The following VWA5B1 variants were observed in gnomAD, a reference collection of about 807,000 sequenced individuals.
VWA5B1 encodes the protein von Willebrand factor A domain-containing protein 5B1.
In VWA5B1, 115 loss-of-function variants were observed where a neutral mutation model predicts 118.2. That is an observed-to-expected ratio of 0.97 (90% confidence interval 0.84 to 1.14). The LOEUF (loss-of-function observed/expected upper bound fraction) is 1.14. Among genes scored for constraint, VWA5B1 ranks in the 50% most tolerant of loss-of-function variants. The pLI is 0.00. For synonymous variants in VWA5B1, 682 were observed against 658.4 expected, an observed-to-expected ratio of 1.04 and a Z score of -0.55; for missense variants, 1,596 against 1,603.8, an observed-to-expected ratio of 1.00 and a Z score of 0.08.
At chr1:20,336,902 C>T (rs1001915742) in intron 13 of VWA5B1, among the ~76,000 whole-genome samples, 5 of 152,074 alleles carry the variant, frequency 3.3e-5, no homozygotes, top group African/African-American at 1.2e-4. Context: ...GTGCCAGGGA[C>T]CCCTAGAAAA....
Position 20,347,803 on chromosome 1 carries a change from T to G in VWA5B1, c.2765-442T>G, listed in dbSNP as rs2090039332. ...TCATCTCTTTTCCATCCAACCCCTCTTGGTGATGCCCTGGGATTTCAGGGG... is the reference window on the plus strand; with the variant it reads ...TCATCTCTTTTCCATCCAACCCCTCGTGGTGATGCCCTGGGATTTCAGGGG... On this transcript the variant is annotated intron_variant, in intron 17 of 21. Transcript: ENST00000289815. 2.0e-5 allele frequency among the ~76,000 whole-genome samples: 3 copies of G among 151,946 alleles called. No homozygotes were observed. In the South Asian group the frequency reaches 6.3e-4, roughly 32 times the overall value.
intron 21 of VWA5B1, among the ~76,000 whole-genome samples, chr1:20,352,465 G>A (rs2090149331): frequency 6.6e-6 from 1 of 152,088 alleles, no homozygotes; most frequent in African/African-American, 2.4e-5. Flanking sequence ...AAAATTCGTG[G>A]GAATTTTGCA....
Position 20,317,589 on chromosome 1 carries a change from C to A in VWA5B1, c.623C>A (p.Ala208Glu). The change falls in exon 5 of 22, where the codon GCG becomes GAG. Residue 208 changes from alanine (A) to glutamate (E), a missense_variant. Transcript: ENST00000289815. ...APGSWNKLCL[A>E]TLLNTEVSNP... ...GGCTCCTGGAATAAGTTGTGCCTGG[C>A]GACTCTCCTGAACACCGAAGTGTCC... 1.3e-6 allele frequency: 2 copies of A among 1,551,780 alleles called. No homozygotes were observed. Among genetic ancestry groups the A allele is most frequent in the East Asian group, 2.4e-5 (1 of 40,910 alleles).
chr1:20,350,263 A>C (rs1218051994), intron 19 of VWA5B1, 33 bp downstream of exon 19: 1 of 1,549,700 alleles, frequency 6.5e-7, no homozygotes, highest in East Asian at 2.4e-5. Flanking sequence ...CTCTTCATCA[A>C]GATGGTGACA....
chr1:20,318,827 G>C (rs568769915), intron 6 of VWA5B1, 106 bp downstream of exon 6: 1 of 1,402,610 alleles, frequency 7.1e-7, no homozygotes, highest in Non-Finnish European at 9.3e-7. Context: ...AGCTAGCCAG[G>C]GAAAGAGTCG....
In VWA5B1 at chr1:20,358,098, G is replaced by C. The variant is rs2090260958; in HGVS notation, c.*3835G>C. On this transcript the variant is annotated 3_prime_UTR_variant, in exon 22 of 22. Transcript: ENST00000289815. ...TGTCCATAAGCGGCCTCGGTTTCCA[G>C]CCGGCACCCATGTTTCCCCAGCCAG... Among the ~76,000 whole-genome samples, 1 of 152,180 alleles carries C rather than the reference G, an allele frequency of 6.6e-6. No individual in the cohort carries two copies. The highest frequency in any genetic ancestry group is 2.1e-4 in the South Asian group (1 of 4,822).
At position 20,312,816 on chromosome 1, in the gene VWA5B1, G is replaced by C; in HGVS notation, c.140-20G>C. The C allele has an allele frequency of 6.5e-7, 1 of 1,540,460 alleles. No individual in the cohort carries two copies. The highest frequency in any genetic ancestry group is 8.8e-7 in the Non-Finnish European group (1 of 1,139,480). Reference sequence around the variant, plus strand: ...GGGTAGGCCTGGGGCACCCCGTGATGCTGGGCCCTGCTCCGACAGGCCTCT... The same window carrying C: ...GGGTAGGCCTGGGGCACCCCGTGATCCTGGGCCCTGCTCCGACAGGCCTCT... On this transcript the variant is annotated intron_variant, in intron 2 of 21. Coordinates refer to ENST00000289815, the MANE Select transcript of VWA5B1 (RefSeq NM_001039500.3).
At position 20,338,432 on chromosome 1, in the gene VWA5B1, C is replaced by T. The variant is rs6656205; in HGVS notation, c.2133+596C>T. On this transcript the variant is annotated intron_variant, in intron 14 of 21. Transcript: ENST00000289815. ...TGGTGCCATCTCAGCTCACTGCAAC[C>T]TCTACCTCCTAGGTTCAAGCAATTC... is the stretch of plus-strand genomic sequence containing the variant. 1.7e-3 allele frequency: 338 copies of T among 197,036 alleles called. 2 individuals are homozygous for T. Among genetic ancestry groups the T allele is most frequent in the African/African-American group, 7.0e-3 (300 of 43,096 alleles). 12.2% of individuals were successfully genotyped at this position (197,036 alleles called of 1,614,324 possible).
At chr1:20,308,517 G>C (rs1194123711) in intron 1 of VWA5B1, among the ~76,000 whole-genome samples, 1 of 152,150 alleles carries the variant, frequency 6.6e-6, no homozygotes, top group African/African-American at 2.4e-5. Context: ...GGGGGATGTG[G>C]CTCTGTCAGG....
intron 10 of VWA5B1, 119 bp from the exon 11 acceptor site, chr1:20,330,750 A>G: frequency 2.0e-6 from 2 of 1,011,458 alleles, no homozygotes; most frequent in Non-Finnish European, 3.0e-6. Context: ...CTCTCCCTCT[A>G]CCTGAATATA....
chr1:20,334,369 G>A (rs542705214), intron 12 of VWA5B1, among the ~76,000 whole-genome samples: 5 of 152,280 alleles, frequency 3.3e-5, no homozygotes, highest in African/African-American at 4.8e-5. Context: ...GGGACTGGAC[G>A]CAGTCATCAA....
intron 9 of VWA5B1, 133 bp downstream of exon 9, chr1:20,328,133 C>A: frequency 1.3e-6 from 1 of 795,936 alleles, no homozygotes; most frequent in Non-Finnish European, 2.1e-6. Context: ...GAACCCAGAT[C>A]ACACCCGGGG....
chr1:20,311,433 C>T (rs973715472), intron 2 of VWA5B1, among the ~76,000 whole-genome samples: 1 of 152,264 alleles, frequency 6.6e-6, no homozygotes, highest in Non-Finnish European at 1.5e-5. Flanking sequence ...GAAGCTGCCA[C>T]TCCCTCAAAA....
intron 1 of VWA5B1, among the ~76,000 whole-genome samples, chr1:20,299,277 G>A (rs952173030): frequency 1.3e-5 from 2 of 152,148 alleles, no homozygotes. Flanking sequence ...TTCTGCACCA[G>A]CTGGAGCCCA....
chr1:20,316,422 G>T (rs2089010168), intron 4 of VWA5B1, among the ~76,000 whole-genome samples: 1 of 152,174 alleles, frequency 6.6e-6, no homozygotes, highest in Non-Finnish European at 1.5e-5. Flanking sequence ...AGCCACCTGG[G>T]TAGAGTTTTA....
At chr1:20,321,454 G>T (rs536689696) in intron 7 of VWA5B1, among the ~76,000 whole-genome samples, 2 of 152,264 alleles carry the variant, frequency 1.3e-5, no homozygotes, top group South Asian at 4.1e-4. Context: ...GCTTGGTGGC[G>T]CATGCCTGTC....
intron 14 of VWA5B1, among the ~76,000 whole-genome samples, chr1:20,340,151 A>G (rs998074447): frequency 2.0e-5 from 3 of 150,844 alleles, no homozygotes; most frequent in South Asian, 2.1e-4. Flanking sequence ...TTCTTCCCCA[A>G]CCTGATGCCC....
intron 19 of VWA5B1, 90 bp downstream of exon 19, chr1:20,350,320 C>T (rs1401715407): frequency 7.1e-7 from 1 of 1,418,284 alleles, no homozygotes; most frequent in African/African-American, 1.4e-5. Context: ...CGACAAAGTC[C>T]TCAGGGCTTC....
intron 1 of VWA5B1, among the ~76,000 whole-genome samples, chr1:20,310,101 G>A (rs2088801443): frequency 6.6e-6 from 1 of 152,070 alleles, no homozygotes. Context: ...ACTGCAGTGG[G>A]CAGCCTCACT....
Sources: allele counts gnomAD v4.1 joint callset (sites outside exome capture counted in the v4.1 genomes callset), GRCh38; gene constraint gnomAD v4.1.1; transcripts MANE v1.5; gene names NCBI Gene and HGNC (gene_info 2026-07-23, HGNC 2026-07-21).